Variants in EMG1 observed in about 807,000 individuals in gnomAD.
The protein encoded by EMG1 is ribosomal RNA small subunit methyltransferase NEP1.
A neutral mutation model predicts 26.9 loss-of-function variants in EMG1; 24 were observed. That is an observed-to-expected ratio of 0.89 (90% CI 0.65 to 1.26). EMG1 has a LOEUF of 1.26. Ranked by LOEUF, EMG1 falls within the 50% of genes most tolerant of loss-of-function variation. EMG1 has a pLI of 0.00. For synonymous variants in EMG1, 140 were observed against 112.6 expected, an observed-to-expected ratio of 1.24 and a Z score of -1.54; for missense variants, 299 against 307.6, an observed-to-expected ratio of 0.97 and a Z score of 0.21.
At chr12:6,983,207 G>T (rs1434703950), downstream of EMG1, 2 of 478,338 alleles carry the variant, frequency 4.2e-6, no homozygotes, top group East Asian at 4.1e-5. Flanking sequence ...TGTTGATGAG[G>T]TATGGCAAGG....
At chr12:6,984,489 G>A (rs1946502524), downstream of EMG1, among the ~76,000 whole-genome samples, 1 of 152,194 alleles carries the variant, frequency 6.6e-6, no homozygotes, top group Non-Finnish European at 1.5e-5. Context: ...GGAGGATGGG[G>A]ATCTCTCAAC....
rs782276276 is a variant in EMG1, at chr12:6,974,412, G to T, written c.242G>T (p.Gly81Val). 29 of 1,613,662 alleles carry T rather than the reference G, an allele frequency of 1.8e-5. No individual in the cohort carries two copies. Among genetic ancestry groups the T allele is most frequent in the Non-Finnish European group, 2.3e-5 (27 of 1,179,780 alleles). Reference protein sequence around the residue: ...SILLKNGRDPGEARPDITHQS... With the variant: ...SILLKNGRDPVEARPDITHQS... ...TTGTTGAAGAATGGACGGGACCCTG[G>T]GGAAGCGCGGCCAGATATCACCCAC... The change falls in exon 2 of 6, where the codon GGG becomes GTG. Residue 81 changes from glycine (G) to valine (V), a missense_variant. Gly to Val is a moderately radical substitution (Grantham distance 109, BLOSUM62 -3). Transcript: ENST00000599672.
chr12:6,994,568 G>C (rs782804721), intron 7 of EMG1, among the ~76,000 whole-genome samples: 2 of 152,260 alleles, frequency 1.3e-5, no homozygotes, highest in African/African-American at 4.8e-5. Context: ...CTAGGTTCAA[G>C]TGATCCTCCC....
At position 6,979,402 on chromosome 12, in the gene EMG1, A is replaced by G. The variant is rs114467209; in HGVS notation, c.*3593A>G. ...TATTTCCTACTTCTCTGCTATCTGT[A>G]GGGATCCTTGCCTGTCCATTTTCTA... On this transcript the variant is annotated 3_prime_UTR_variant, in exon 6 of 6. Transcript: ENST00000599672. The G allele has an allele frequency of 1.2e-3, 1,403 of 1,153,900 alleles. 10 individuals are homozygous for G. In the African/African-American group the frequency reaches 0.018, roughly 15 times the overall value. The allele number at this position is 1,153,900 out of a possible 1,614,324, so 71.5% of individuals were successfully genotyped here.
intron 7 of EMG1, among the ~76,000 whole-genome samples, chr12:6,994,808 A>G (rs1292540052): frequency 6.6e-6 from 1 of 152,144 alleles, no homozygotes; most frequent in Non-Finnish European, 1.5e-5. Context: ...GCTGACTACA[A>G]TTTGAATAGA....
At chr12:6,971,586 A>G (rs1555152282) in intron 1 of EMG1, among the ~76,000 whole-genome samples, 1 of 151,862 alleles carries the variant, frequency 6.6e-6, no homozygotes, top group Non-Finnish European at 1.5e-5. Flanking sequence ...GGTAGTACTC[A>G]TTTTCTTTTG....
At chr12:6,995,773 A>G (rs1318352600) in intron 7 of EMG1, among the ~76,000 whole-genome samples, 1 of 152,186 alleles carries the variant, frequency 6.6e-6, no homozygotes, top group Non-Finnish European at 1.5e-5. Flanking sequence ...ACTACTCAAC[A>G]GAGTCAGCAA....
Position 6,974,645 on chromosome 12 carries a change from C to T in EMG1, c.364C>T (p.Pro122Ser). The T allele has an allele frequency of 6.2e-7, 1 of 1,613,982 alleles. No individual in the cohort carries two copies. The highest frequency in any genetic ancestry group is 2.2e-5 in the East Asian group (1 of 44,892). Residue 122 changes from proline (P) to serine (S), a missense_variant, in exon 3 of 6, where the codon CCC becomes TCC. Transcript: ENST00000599672. ...TQKNVLIEVN[P>S]QTRIPRTFDR... The stretch of plus-strand genomic sequence containing the variant: ...GAAGAATGTTCTGATTGAAGTGAAT[C>T]CCCAGACCCGAATTCCCAGAACCTT...
chr12:6,982,761 A>G (rs944645484), downstream of EMG1: 2 of 1,613,638 alleles, frequency 1.2e-6, no homozygotes, highest in Non-Finnish European at 8.5e-7. Flanking sequence ...AATACACAGC[A>G]GGGAGTGGTA....
downstream of EMG1, among the ~76,000 whole-genome samples, chr12:6,988,986 C>T (rs1026787618): frequency 9.9e-5 from 15 of 151,920 alleles, no homozygotes; most frequent in Non-Finnish European, 1.6e-4. Flanking sequence ...ATTAGCTGGG[C>T]GTGGTAGTGC....
downstream of EMG1, among the ~76,000 whole-genome samples, chr12:6,991,313 T>G (rs782700659): frequency 1.3e-5 from 2 of 152,386 alleles, no homozygotes; most frequent in Non-Finnish European, 2.9e-5. Context: ...TGACAAGTAG[T>G]AGTTTCTTAA....
At chr12:6,996,808 C>T (rs1946639194) in intron 7 of EMG1, among the ~76,000 whole-genome samples, 1 of 152,164 alleles carries the variant, frequency 6.6e-6, no homozygotes, top group Admixed American at 6.5e-5. Context: ...CAATCTCGAC[C>T]ACAGTGGTCG....
Position 6,978,397 on chromosome 12 carries a change from G to C in EMG1, c.*2588G>C, listed in dbSNP as rs782287503. On this transcript the variant is annotated 3_prime_UTR_variant, in exon 6 of 6. Transcript: ENST00000599672. ...ATGAGGCAATGGTGCCAGTGAAGCG[G>C]GGGTTTGTTTCAAAGAGCCACACCT... 3 of 1,613,916 alleles carry C rather than the reference G, an allele frequency of 1.9e-6. No individual in the cohort carries two copies. Among genetic ancestry groups the C allele is most frequent in the Admixed American group, 3.3e-5 (2 of 60,008 alleles).
At chr12:6,973,540 T>G (rs978002100) in intron 1 of EMG1, among the ~76,000 whole-genome samples, 1 of 152,124 alleles carries the variant, frequency 6.6e-6, no homozygotes, top group Non-Finnish European at 1.5e-5. Flanking sequence ...TTAAACTGCC[T>G]CCTGCATCAT....
At chr12:6,981,093 G>T (rs1555153999), downstream of EMG1, 1 of 1,614,014 alleles carries the variant, frequency 6.2e-7, no homozygotes. Flanking sequence ...CTACCAAGAA[G>T]GCCCCATAGA....
chr12:6,994,791 T>C (rs1946622994), intron 7 of EMG1, among the ~76,000 whole-genome samples: 1 of 152,218 alleles, frequency 6.6e-6, no homozygotes, highest in African/African-American at 2.4e-5. Context: ...ACTTCTGGCA[T>C]GGGTTGGCTG....
At chr12:6,983,460 T>G (rs907245882), downstream of EMG1, 3 of 1,611,208 alleles carry the variant, frequency 1.9e-6, no homozygotes, top group Non-Finnish European at 2.5e-6. Context: ...TTGAGAGGCC[T>G]GTAAAGGTAT....
At chr12:6,975,406 C>G in intron 5 of EMG1, 28 bp downstream of exon 5, 1 of 1,561,996 alleles carries the variant, frequency 6.4e-7, no homozygotes. Context: ...CCCTGAAATT[C>G]TTGGTAGAGC....
Position 6,971,188 on chromosome 12 carries a change from G to A in EMG1, c.168+97G>A, listed in dbSNP as rs189423442. On this transcript the variant is annotated intron_variant, in intron 1 of 5. Transcript: ENST00000599672. ...CCAGAGTGGATGTAGAAAGCAGAGA[G>A]GGGTGAAAGATGCTTTTGAAGGAAG... 20 of 1,041,802 alleles carry A rather than the reference G, an allele frequency of 1.9e-5. No homozygotes were observed. The South Asian group carries it at 2.0e-4, about 10-fold the overall frequency. The allele number at this position is 1,041,802 out of a possible 1,614,324, so 64.5% of individuals were successfully genotyped here.
Sources: gnomAD v4.1 joint callset for allele counts (sites outside exome capture counted in the v4.1 genomes callset) on GRCh38, gnomAD v4.1.1 for gene constraint, MANE v1.5 for transcripts, NCBI Gene and HGNC (gene_info 2026-07-23, HGNC 2026-07-21) for gene names.